The following SIM1 variants were observed in gnomAD, a reference collection of about 807,000 sequenced individuals.
SIM1 encodes the protein SIM bHLH transcription factor 1, also known as single-minded homolog 1.
Under a neutral mutation model 78.2 loss-of-function variants are expected in SIM1, and 18 were observed. The ratio of observed to expected loss-of-function variants is 0.23; its 90% CI spans 0.16 to 0.34. SIM1 has a LOEUF of 0.34. Among genes scored for constraint, SIM1 ranks in the 10% least tolerant of loss-of-function variants. The pLI, the probability that SIM1 is intolerant of heterozygous loss-of-function variation, is 1.00. For missense variants in SIM1, 939 were observed against 975.1 expected, an observed-to-expected ratio of 0.96 and a Z score of 0.49; for synonymous variants, 417 against 385.2, an observed-to-expected ratio of 1.08 and a Z score of -0.97.
At position 100,385,773 on chromosome 6, in the gene SIM1, ATGTG is replaced by A. The variant is rs1196634299; in HGVS notation, c.*4584_*4587del. 6.8e-6 allele frequency: 1 copy of A among 147,130 alleles called. No homozygotes were observed. Among genetic ancestry groups the A allele is most frequent in the Non-Finnish European group, 1.5e-5 (1 of 66,768 alleles). 9.1% of individuals were successfully genotyped at this position (147,130 alleles called of 1,614,324 possible). On this transcript the variant is annotated 3_prime_UTR_variant, in exon 12 of 12. Transcript: ENST00000369208. ...AAAAATCATATTTTTCTGTGTGCGT[ATGTG>A]TGTGTGTATGCTTTCTGCATACAGT... is the stretch of plus-strand genomic sequence containing the variant.
In SIM1 at chr6:100,446,638, G is replaced by T. The variant is rs376597430; in HGVS notation, c.998+630C>A. Among the ~76,000 whole-genome samples the T allele has an allele frequency of 1.4e-3, 220 of 152,324 alleles. 1 individual carries two copies. Among genetic ancestry groups the T allele is most frequent in the African/African-American group, 5.0e-3 (207 of 41,580 alleles). On this transcript the variant is annotated intron_variant, in intron 9 of 11. Coordinates refer to ENST00000369208, the MANE Select transcript of SIM1 (RefSeq NM_005068.3). The stretch of plus-strand genomic sequence containing the variant: ...CCTCTGCAGCCTCCCTGTCATTCGC[G>T]CCCGCAGGTGGCACCCAGAGCTCCG...
rs1772906432 is a variant in SIM1, at chr6:100,463,463, T to C, written c.6A>G (p.Lys2=). The change falls in exon 2 of 12, where the codon AAA becomes AAG. Residue 2 remains lysine (K), a synonymous_variant. Coordinates refer to ENST00000369208, the MANE Select transcript of SIM1 (RefSeq NM_005068.3). M[K]EKSKNAARTR... is the part of the protein sequence containing the mutation. ...TCCGCGCAGCATTTTTGGACTTTTC[T>C]TTCATTGTGTCTTGTTCCCCCTTTC... The C allele has an allele frequency of 6.2e-7, 1 of 1,605,450 alleles. No homozygotes were observed. The highest frequency in any genetic ancestry group is 1.7e-5 in the Admixed American group (1 of 59,858).
chr6:100,397,532 T>A (rs778133460), intron 10 of SIM1, among the ~76,000 whole-genome samples: 3 of 151,784 alleles, frequency 2.0e-5, no homozygotes. Context: ...ACTCAAAAGG[T>A]TCACAGACTT....
chr6:100,453,629 G>A (rs1290230577), intron 3 of SIM1, 133 bp downstream of exon 3: 1 of 705,340 alleles, frequency 1.4e-6, no homozygotes. Flanking sequence ...CGTGCAGTCC[G>A]GATCCCTGTT....
At chr6:100,458,343 G>T (rs1032344246) in intron 2 of SIM1, among the ~76,000 whole-genome samples, 1 of 152,170 alleles carries the variant, frequency 6.6e-6, no homozygotes, top group South Asian at 2.1e-4. Context: ...CTAGAGGCCC[G>T]CGCTGGCGAG....
intron 9 of SIM1, among the ~76,000 whole-genome samples, chr6:100,424,866 C>T (rs915506682): frequency 6.6e-6 from 1 of 152,210 alleles, no homozygotes; most frequent in Middle Eastern, 3.4e-3. Flanking sequence ...ATTTTTGGCA[C>T]CTGCTTTCCC....
chr6:100,453,627 C>T (rs1351252609), intron 3 of SIM1, 135 bp downstream of exon 3: 1 of 702,646 alleles, frequency 1.4e-6, no homozygotes, highest in Non-Finnish European at 2.3e-6. Flanking sequence ...CACGTGCAGT[C>T]CGGATCCCTG....
intron 11 of SIM1, among the ~76,000 whole-genome samples, chr6:100,391,972 G>A (rs1349646523): frequency 2.0e-5 from 3 of 152,008 alleles, no homozygotes; most frequent in African/African-American, 7.2e-5. Context: ...CAGGAGTTCA[G>A]TACCAGCCTG....
chr6:100,399,643 G>A (rs1770858527), intron 10 of SIM1, among the ~76,000 whole-genome samples: 1 of 151,988 alleles, frequency 6.6e-6, no homozygotes, highest in African/African-American at 2.4e-5. Flanking sequence ...TAACTTAGAA[G>A]TATATCAAAT....
intron 10 of SIM1, among the ~76,000 whole-genome samples, chr6:100,412,745 AAGAAAGAAAAAAG>A (rs1562240225): frequency 1.4e-5 from 2 of 145,914 alleles, no homozygotes; most frequent in African/African-American, 5.1e-5. Flanking sequence ...GAAAGAAAGA[AAGAAAGAAAAAAG>A]AAAAGAAAAA....
At chr6:100,415,622 GGGTA>G (rs1771377919) in intron 10 of SIM1, among the ~76,000 whole-genome samples, 6 of 152,210 alleles carry the variant, frequency 3.9e-5, no homozygotes, top group African/African-American at 1.4e-4. Context: ...TCATTCCTAA[GGGTA>G]TCTCATAGCA....
rs1342810087 is a variant in SIM1, at chr6:100,389,577, A to C, written c.*784T>G. 2 of 398,862 alleles carry C rather than the reference A, an allele frequency of 5.0e-6. No homozygotes were observed. The highest frequency in any genetic ancestry group is 8.9e-6 in the Non-Finnish European group (2 of 225,954). The allele number at this position is 398,862 out of a possible 1,614,324, so 24.7% of individuals were successfully genotyped here. The stretch of plus-strand genomic sequence containing the variant: ...CTCTGCCTCTGGCCTTTCCATATTC[A>C]TAGAACTACTTCCAATTGAGCACTC... On this transcript the variant is annotated 3_prime_UTR_variant, in exon 12 of 12. Transcript: ENST00000369208.
At chr6:100,406,933 A>G (rs1418690232) in intron 10 of SIM1, among the ~76,000 whole-genome samples, 1 of 151,626 alleles carries the variant, frequency 6.6e-6, no homozygotes, top group Non-Finnish European at 1.5e-5. Context: ...CCCAGAACAC[A>G]TCCATCTTAT....
At chr6:100,453,944 T>TGGTATCCAGTCAAAGGGGCC in intron 2 of SIM1, 100 bp from the exon 3 acceptor site, 1 of 770,354 alleles carries the variant, frequency 1.3e-6, no homozygotes, top group Non-Finnish European at 2.1e-6. Flanking sequence ...CCGGCCCCTT[T>TGGTATCCAGTCAAAGGGGCC]GACTGGATAC....
intron 10 of SIM1, among the ~76,000 whole-genome samples, chr6:100,399,137 G>A (rs1334123390): frequency 6.6e-6 from 1 of 152,044 alleles, no homozygotes; most frequent in Non-Finnish European, 1.5e-5. Context: ...TTTGAATTGA[G>A]TTGCTTTTGT....
intron 10 of SIM1, among the ~76,000 whole-genome samples, chr6:100,394,479 C>T (rs1449453660): frequency 2.0e-5 from 3 of 152,146 alleles, no homozygotes; most frequent in African/African-American, 7.2e-5. Flanking sequence ...GATCATGGCT[C>T]ACTGCAGCCT....
chr6:100,393,104 GAGAAA>G (rs1770680492), intron 11 of SIM1, among the ~76,000 whole-genome samples: 1 of 152,100 alleles, frequency 6.6e-6, no homozygotes, highest in Non-Finnish European at 1.5e-5. Context: ...TGCCCTCATT[GAGAAA>G]CACTGCTATG....
At chr6:100,398,107 GCT>G (rs1391981877) in intron 10 of SIM1, among the ~76,000 whole-genome samples, 1 of 152,100 alleles carries the variant, frequency 6.6e-6, no homozygotes, top group African/African-American at 2.4e-5. Context: ...CAGTTTGGCA[GCT>G]TCTTAAAAAC....
At chr6:100,464,084 G>A (rs1015214433) in intron 1 of SIM1, 149 bp from the exon 2 acceptor site, 1 of 152,196 alleles carries the variant, frequency 6.6e-6, no homozygotes, top group African/African-American at 2.4e-5. Context: ...GGGTAAATCG[G>A]CAGCGAGACA....
Sources: gnomAD v4.1 joint callset for allele counts (sites outside exome capture counted in the v4.1 genomes callset) on GRCh38, gnomAD v4.1.1 for gene constraint, MANE v1.5 for transcripts, NCBI Gene and HGNC (gene_info 2026-07-23, HGNC 2026-07-21) for gene names.